AGL: variants seen among roughly 807,000 people sequenced by gnomAD.
AGL encodes amylo-alpha-1,6-glucosidase and 4-alpha-glucanotransferase.
A neutral mutation model predicts 199.3 loss-of-function variants in AGL; 128 were observed. That is an observed-to-expected ratio of 0.64 (90% CI 0.56 to 0.74). The LOEUF is 0.74. AGL is among the 30% of genes least tolerant of loss of function. The probability of loss-of-function intolerance (pLI) is 0.00; values close to 1 mark genes in which losing one functional copy is unlikely to be tolerated. For synonymous variants in AGL, 584 were observed against 594.7 expected (o/e 0.98, Z 0.26); for missense variants, 1,809 against 1,820.8 (o/e 0.99, Z 0.12).
rs531928051 is a variant in AGL, at chr1:99,860,408, G to A, written c.83-1095G>A. Reference sequence around the variant, plus strand: ...CCATTATTAATTGAAAGTTATATTCGTGTTTAAAATTTATATGTATTATAT... The same window carrying A: ...CCATTATTAATTGAAAGTTATATTCATGTTTAAAATTTATATGTATTATAT... On this transcript the variant is annotated intron_variant, in intron 2 of 33. Transcript: ENST00000361915. 3.3e-4 allele frequency among the ~76,000 whole-genome samples: 50 copies of A among 151,906 alleles called. 1 individual carries two copies. The highest frequency in any genetic ancestry group is 6.9e-3 in the Middle Eastern group (2 of 288).
chr1:99,863,713 T>G (rs1650266210), intron 4 of AGL, among the ~76,000 whole-genome samples: 1 of 150,906 alleles, frequency 6.6e-6, no homozygotes, highest in African/African-American at 2.4e-5. Flanking sequence ...CCTCCCAAAG[T>G]GCTGGGATTA....
In AGL at chr1:99,850,971, A is replaced by G; in HGVS notation, c.-68-4A>G. ...CGATATTTTAACTCCTTTTTGTTTC[A>G]TAGGGGTAACTCATTCGACTGTGGA... On this transcript the variant is annotated splice_polypyrimidine_tract_variant and splice_region_variant and intron_variant, in intron 1 of 33. Transcript: ENST00000361915. The G allele has an allele frequency of 8.0e-7, 1 of 1,253,412 alleles. No homozygotes were observed. The highest frequency in any genetic ancestry group is 1.2e-6 in the Non-Finnish European group (1 of 853,476). 77.6% of individuals were successfully genotyped at this position (1,253,412 alleles called of 1,614,324 possible).
intron 14 of AGL, 51 bp downstream of exon 14, chr1:99,880,846 T>G: frequency 1.3e-6 from 2 of 1,592,418 alleles, no homozygotes; most frequent in Non-Finnish European, 1.7e-6. Context: ...GCTTTGATAT[T>G]TAACTCTCTG....
At chr1:99,855,229 A>G (rs993484410) in intron 2 of AGL, among the ~76,000 whole-genome samples, 21 of 152,030 alleles carry the variant, frequency 1.4e-4, no homozygotes, top group African/African-American at 5.1e-4. Context: ...AAAAGAGAGG[A>G]CAAAGTATGA....
intron 2 of AGL, among the ~76,000 whole-genome samples, chr1:99,857,337 C>T (rs185790465): frequency 0.022 from 3,261 of 150,108 alleles, 59 homozygotes; most frequent in South Asian, 0.072. Flanking sequence ...ACTGGGCAGC[C>T]GGGCAGAGGG....
chr1:99,877,528 A>G, intron 11 of AGL, 113 bp from the exon 12 acceptor site: 3 of 906,160 alleles, frequency 3.3e-6, no homozygotes, highest in Non-Finnish European at 5.3e-6. Flanking sequence ...AATTTAACCA[A>G]TATATCATTT....
At chr1:99,855,650 A>T (rs1410632980) in intron 2 of AGL, among the ~76,000 whole-genome samples, 1 of 152,008 alleles carries the variant, frequency 6.6e-6, no homozygotes, top group Non-Finnish European at 1.5e-5. Context: ...AAAATACAAA[A>T]ATTAGCCAGA....
Position 99,865,643 on chromosome 1 carries a change from T to G in AGL, c.664+1054T>G, listed in dbSNP as rs148730743. Among the ~76,000 whole-genome samples, 463 of 152,314 alleles carry G rather than the reference T, an allele frequency of 3.0e-3. 3 individuals carry two copies. The highest frequency in any genetic ancestry group is 0.011 in the African/African-American group (453 of 41,570). ...AGTTTACCTTACAAATGTTATCTTGTGTGTATGCTACAATGTAGAAAAGTT... is the reference window on the plus strand; with the variant it reads ...AGTTTACCTTACAAATGTTATCTTGGGTGTATGCTACAATGTAGAAAAGTT... On this transcript the variant is annotated intron_variant, in intron 5 of 33. Coordinates refer to ENST00000361915, the MANE Select transcript of AGL (RefSeq NM_000642.3).
At chr1:99,851,340 A>G (rs1648936178) in intron 2 of AGL, among the ~76,000 whole-genome samples, 1 of 152,236 alleles carries the variant, frequency 6.6e-6, no homozygotes, top group African/African-American at 2.4e-5. Flanking sequence ...GGATAAGGAT[A>G]AAATAGTTCT....
chr1:99,891,435 T>C, intron 22 of AGL, 79 bp downstream of exon 22: 2 of 1,553,966 alleles, frequency 1.3e-6, no homozygotes, highest in Non-Finnish European at 1.8e-6. Context: ...AATATTTACA[T>C]TGTTTTCTAA....
intron 5 of AGL, 38 bp downstream of exon 5, chr1:99,864,627 A>G (rs1650349075): frequency 6.5e-7 from 1 of 1,537,072 alleles, no homozygotes; most frequent in South Asian, 1.1e-5. Context: ...AATTTTGATG[A>G]GAATTTATGC....
chr1:99,870,918 A>G (rs1356024598), intron 7 of AGL, 49 bp downstream of exon 7: 1 of 1,162,094 alleles, frequency 8.6e-7, no homozygotes, highest in Non-Finnish European at 1.3e-6. Flanking sequence ...GAAATGTAAT[A>G]TTATAAAGGG....
At chr1:99,874,623 T>C in intron 7 of AGL, 64 bp from the exon 8 acceptor site, 2 of 1,487,224 alleles carry the variant, frequency 1.3e-6, no homozygotes, top group Non-Finnish European at 1.8e-6. Context: ...AATTAGAAAA[T>C]AGTGACAGTT....
intron 27 of AGL, among the ~76,000 whole-genome samples, chr1:99,910,289 G>T (rs988523910): frequency 3.3e-5 from 5 of 152,044 alleles, no homozygotes; most frequent in Non-Finnish European, 2.9e-5. Flanking sequence ...CTATGTCCAT[G>T]TACATACATT....
At position 99,921,717 on chromosome 1, in the gene AGL, C is replaced by T. The variant is rs1655525856; in HGVS notation, c.*66C>T. 1.8e-6 allele frequency: 2 copies of T among 1,084,112 alleles called. No homozygotes were observed. The highest frequency in any genetic ancestry group is 2.4e-5 in the East Asian group (1 of 41,756). The allele number at this position is 1,084,112 out of a possible 1,614,324, so 67.2% of individuals were successfully genotyped here. A position where few individuals can be genotyped will look rare whatever the true frequency, so the allele number is the denominator to read the frequency against. The stretch of plus-strand genomic sequence containing the variant: ...GATGCAAGGTCATCATATGTAAATG[C>T]CTTATATGCACAGGCTCAAGTTGTT... On this transcript the variant is annotated 3_prime_UTR_variant, in exon 34 of 34. Transcript: ENST00000361915.
chr1:99,861,360 G>A (rs1650016777), intron 2 of AGL, 143 bp from the exon 3 acceptor site: 2 of 1,524,310 alleles, frequency 1.3e-6, no homozygotes, highest in Admixed American at 2.1e-5. Flanking sequence ...ACAAAGTAGT[G>A]CCAAAACAGC....
In AGL at chr1:99,896,410, T is replaced by A. The variant is rs79435569; in HGVS notation, c.3362+22T>A. On this transcript the variant is annotated intron_variant, in intron 25 of 33. Coordinates refer to ENST00000361915, the MANE Select transcript of AGL (RefSeq NM_000642.3). ...CCAGGTAGGAGAGCCTCTAAAGTGT[T>A]GTACTGCGAGTTTATGTCTGAATGT... The A allele has an allele frequency of 7.1e-4, 1,090 of 1,543,858 alleles. 6 individuals are homozygous for A. The African/African-American group carries it at 0.012, about 18-fold the overall frequency.
At chr1:99,859,477 T>G (rs1296927397) in intron 2 of AGL, among the ~76,000 whole-genome samples, 1 of 152,186 alleles carries the variant, frequency 6.6e-6, no homozygotes, top group Non-Finnish European at 1.5e-5. Context: ...CAGCCATACT[T>G]TTTTCCAGAA....
intron 17 of AGL, among the ~76,000 whole-genome samples, chr1:99,882,190 A>C (rs1277424554): frequency 6.6e-6 from 1 of 151,934 alleles, no homozygotes; most frequent in African/African-American, 2.4e-5. Flanking sequence ...TTTTTACTGC[A>C]TGGAACAAAA....
Sources: allele counts gnomAD v4.1 joint callset (sites outside exome capture counted in the v4.1 genomes callset), GRCh38; gene constraint gnomAD v4.1.1; transcripts MANE v1.5; gene names NCBI Gene and HGNC (gene_info 2026-07-23, HGNC 2026-07-21).